CSMD1: variants seen among roughly 807,000 people sequenced by gnomAD.
CSMD1 encodes CUB and Sushi multiple domains 1.
A neutral mutation model predicts 417.5 loss-of-function variants in CSMD1; 213 were observed. The ratio of observed to expected loss-of-function variants is 0.51; its 90% confidence interval spans 0.46 to 0.57. The LOEUF is 0.57. CSMD1 is among the 20% of genes least tolerant of loss of function. CSMD1 has a pLI of 0.00. For missense variants in CSMD1, 6,923 were observed against 4,529.7 expected (o/e 1.53, Z -15.17); for synonymous variants, 2,862 against 1,736.8 (o/e 1.65, Z -16.11).
At chr8:4,030,106 A>C (rs1362321182) in intron 4 of CSMD1, among the ~76,000 whole-genome samples, 1 of 152,172 alleles carries the variant, frequency 6.6e-6, no homozygotes, top group East Asian at 1.9e-4. Context: ...GGCTGCTGTT[A>C]ACTGTCTGCA....
chr8:4,030,217 G>C (rs369013692), intron 4 of CSMD1, among the ~76,000 whole-genome samples: 1 of 152,078 alleles, frequency 6.6e-6, no homozygotes, highest in Non-Finnish European at 1.5e-5. Context: ...CGGTGCCCCA[G>C]TAGGGACTCT....
intron 41 of CSMD1, among the ~76,000 whole-genome samples, chr8:3,139,607 T>G (rs1378856755): frequency 6.6e-6 from 1 of 152,190 alleles, no homozygotes; most frequent in Non-Finnish European, 1.5e-5. Context: ...ATTGAGAATG[T>G]TTACATAAGT....
intron 2 of CSMD1, among the ~76,000 whole-genome samples, chr8:4,559,167 T>G (rs1447320238): frequency 6.6e-6 from 1 of 152,178 alleles, no homozygotes; most frequent in Non-Finnish European, 1.5e-5. Context: ...GTCTTTGTAT[T>G]ATTGTCAACT....
At chr8:3,160,767 G>C (rs113072165) in intron 38 of CSMD1, among the ~76,000 whole-genome samples, 5 of 152,176 alleles carry the variant, frequency 3.3e-5, no homozygotes, top group African/African-American at 1.2e-4. Flanking sequence ...TAAGCTGAAA[G>C]CATACATCAC....
At chr8:3,943,059 T>C (rs969558975) in intron 5 of CSMD1, among the ~76,000 whole-genome samples, 1 of 152,102 alleles carries the variant, frequency 6.6e-6, no homozygotes, top group Non-Finnish European at 1.5e-5. Flanking sequence ...AGAAGATAAA[T>C]GCAATAAAAT....
intron 26 of CSMD1, among the ~76,000 whole-genome samples, chr8:3,258,377 T>C (rs990247506): frequency 1.3e-5 from 2 of 152,012 alleles, no homozygotes; most frequent in African/African-American, 4.8e-5. Context: ...GAAATGCAAA[T>C]TAAAACCAAA....
intron 3 of CSMD1, among the ~76,000 whole-genome samples, chr8:4,357,166 T>G (rs753305777): frequency 2.6e-5 from 4 of 152,138 alleles, no homozygotes; most frequent in Non-Finnish European, 5.9e-5. Context: ...TAAAATATGG[T>G]ACGCAAATGC....
chr8:4,539,924 C>A (rs1797295251), intron 2 of CSMD1, among the ~76,000 whole-genome samples: 2 of 152,276 alleles, frequency 1.3e-5, no homozygotes, highest in South Asian at 4.1e-4. Flanking sequence ...GGCTGGATTT[C>A]TCTTCCCATC....
chr8:3,297,510 G>C (rs1456982591), intron 25 of CSMD1, among the ~76,000 whole-genome samples: 2 of 152,114 alleles, frequency 1.3e-5, no homozygotes, highest in Non-Finnish European at 1.5e-5. Context: ...AAACAGATCT[G>C]CATAGATCTA....
chr8:4,359,885 C>A (rs992606933), intron 3 of CSMD1, among the ~76,000 whole-genome samples: 1 of 152,216 alleles, frequency 6.6e-6, no homozygotes, highest in Non-Finnish European at 1.5e-5. Flanking sequence ...AAATTCTAAA[C>A]AGCCCCTACC....
chr8:3,507,619 C>G (rs916200096), intron 10 of CSMD1, among the ~76,000 whole-genome samples: 1 of 152,164 alleles, frequency 6.6e-6, no homozygotes, highest in Non-Finnish European at 1.5e-5. Flanking sequence ...ACATTCCCAC[C>G]AACAGTGTAA....
chr8:4,026,590 G>C (rs534697354), intron 4 of CSMD1, among the ~76,000 whole-genome samples: 3 of 152,178 alleles, frequency 2.0e-5, no homozygotes, highest in African/African-American at 7.2e-5. Flanking sequence ...AAGGAACTAA[G>C]GACACTGCCA....
intron 1 of CSMD1, among the ~76,000 whole-genome samples, chr8:4,776,672 T>C (rs1796869130): frequency 6.6e-6 from 1 of 152,204 alleles, no homozygotes; most frequent in Non-Finnish European, 1.5e-5. Context: ...GTCAGGATTC[T>C]TTACCACAGG....
chr8:3,349,980 T>C lies in CSMD1; in HGVS notation c.3305-1819A>G, dbSNP rs117765479. On this transcript the variant is annotated intron_variant, in intron 21 of 69. Transcript: ENST00000635120. Reference sequence around the variant, plus strand: ...TGTGTTATAATACCTATAATACCTATAATTACTTGTGTATGTGTTATAATA... The same window carrying C: ...TGTGTTATAATACCTATAATACCTACAATTACTTGTGTATGTGTTATAATA... Among the ~76,000 whole-genome samples the C allele has an allele frequency of 4.5e-3, 654 of 145,706 alleles. 6 individuals are homozygous for C. The highest frequency in any genetic ancestry group is 9.5e-3 in the Middle Eastern group (2 of 210).
chr8:4,254,243 T>C (rs2128833891), intron 3 of CSMD1, among the ~76,000 whole-genome samples: 2 of 152,160 alleles, frequency 1.3e-5, no homozygotes, highest in Admixed American at 1.3e-4. Flanking sequence ...GCTTTCCCTC[T>C]CTTCACCAAA....
At chr8:3,490,817 A>G (rs1334616432) in intron 11 of CSMD1, among the ~76,000 whole-genome samples, 10 of 152,182 alleles carry the variant, frequency 6.6e-5, no homozygotes. Context: ...CTTGCCCAAA[A>G]TATAGATATC....
At chr8:3,917,658 T>G (rs988948505) in intron 5 of CSMD1, among the ~76,000 whole-genome samples, 1 of 152,152 alleles carries the variant, frequency 6.6e-6, no homozygotes, top group South Asian at 2.1e-4. Context: ...ACGACTAACA[T>G]GCAAAAAGTT....
At chr8:3,816,739 C>G (rs1240404844) in intron 5 of CSMD1, among the ~76,000 whole-genome samples, 1 of 152,036 alleles carries the variant, frequency 6.6e-6, no homozygotes, top group East Asian at 1.9e-4. Context: ...ATGACCAGAA[C>G]CTTGAAAATA....
chr8:3,745,695 A>C (rs1189722395), intron 6 of CSMD1, among the ~76,000 whole-genome samples: 1 of 152,248 alleles, frequency 6.6e-6, no homozygotes, highest in Non-Finnish European at 1.5e-5. Flanking sequence ...TGCTGGAGTA[A>C]GGACGTTAAC....
Sources: allele counts gnomAD v4.1 joint callset (sites outside exome capture counted in the v4.1 genomes callset), GRCh38; gene constraint gnomAD v4.1.1; transcripts MANE v1.5; gene names NCBI Gene and HGNC (gene_info 2026-07-23, HGNC 2026-07-21).